The following TBC1D22A variants were observed in gnomAD, a reference collection of about 807,000 sequenced individuals.
The protein encoded by TBC1D22A is putative GTPase activator.
A neutral mutation model predicts 60.2 loss-of-function variants in TBC1D22A; 38 were observed. That is an observed-to-expected ratio of 0.63 (90% CI 0.49 to 0.83). The LOEUF (loss-of-function observed/expected upper bound fraction) is 0.83. Among genes scored for constraint, TBC1D22A ranks in the 40% least tolerant of loss-of-function variants. TBC1D22A has a pLI of 0.00. For missense variants in TBC1D22A, 628 were observed against 701.0 expected (o/e 0.90, Z 1.18); for synonymous variants, 302 against 281.7 (o/e 1.07, Z -0.72).
chr22:47,038,097 C>T (rs762759247), intron 11 of TBC1D22A, among the ~76,000 whole-genome samples: 5 of 152,154 alleles, frequency 3.3e-5, no homozygotes, highest in African/African-American at 1.2e-4. Flanking sequence ...GAAGCGGAGG[C>T]GGTGCTGTGG....
At chr22:46,804,390 G>A (rs2085039192) in intron 4 of TBC1D22A, among the ~76,000 whole-genome samples, 1 of 152,250 alleles carries the variant, frequency 6.6e-6, no homozygotes. Flanking sequence ...TCCACATGCT[G>A]TATTAACTAG....
chr22:47,118,072 G>A (rs1271115093), intron 12 of TBC1D22A, among the ~76,000 whole-genome samples: 5 of 152,094 alleles, frequency 3.3e-5, no homozygotes, highest in African/African-American at 4.8e-5. Context: ...GCAGTGAGCC[G>A]AGATGACACC....
chr22:47,042,462 T>G (rs575096768), intron 11 of TBC1D22A, among the ~76,000 whole-genome samples: 1 of 152,098 alleles, frequency 6.6e-6, no homozygotes, highest in South Asian at 2.1e-4. Flanking sequence ...TGAATGAGAA[T>G]GAAGATGATG....
chr22:46,924,381 A>C (rs1003702141), intron 8 of TBC1D22A, among the ~76,000 whole-genome samples: 11 of 152,214 alleles, frequency 7.2e-5, no homozygotes, highest in African/African-American at 2.7e-4. Context: ...TTGATTTTCT[A>C]TGTCATTTTC....
intron 11 of TBC1D22A, among the ~76,000 whole-genome samples, chr22:47,055,431 G>A (rs1393172524): frequency 2.0e-5 from 3 of 152,196 alleles, no homozygotes; most frequent in Non-Finnish European, 2.9e-5. Flanking sequence ...AAGAAAACTA[G>A]CCCCAGTAGT....
chr22:46,846,977 C>T (rs886075925), intron 4 of TBC1D22A, among the ~76,000 whole-genome samples: 15 of 152,168 alleles, frequency 9.9e-5, no homozygotes, highest in Admixed American at 3.3e-4. Flanking sequence ...ACTGTTTAGG[C>T]GGGTGTCCCC....
chr22:47,140,523 C>T (rs908051662), intron 12 of TBC1D22A, among the ~76,000 whole-genome samples: 4 of 147,414 alleles, frequency 2.7e-5, no homozygotes, highest in Non-Finnish European at 5.9e-5. Context: ...CACTGCACTC[C>T]AGCCTGGGTG....
chr22:46,804,574 A>C (rs529613478), intron 4 of TBC1D22A, among the ~76,000 whole-genome samples: 1 of 152,306 alleles, frequency 6.6e-6, no homozygotes, highest in African/African-American at 2.4e-5. Flanking sequence ...CCCCACTTTC[A>C]CAGCATTGCC....
rs75371981 is a variant in TBC1D22A at position 47,144,543 on chromosome 22, C to T, written c.1426-28955C>T. Among the ~76,000 whole-genome samples the T allele has an allele frequency of 3.0e-3, 464 of 152,360 alleles. 3 individuals are homozygous for T. The highest frequency in any genetic ancestry group is 5.4e-3 in the Non-Finnish European group (365 of 68,042). Reference sequence around the variant, plus strand: ...GCTTACTGAGCCCCTGTCTGCCTGGCGTGCACACAGTATACAAGCACATAC... The same window carrying T: ...GCTTACTGAGCCCCTGTCTGCCTGGTGTGCACACAGTATACAAGCACATAC... On this transcript the variant is annotated intron_variant, in intron 12 of 12. Transcript: ENST00000337137.
rs136098 is a variant in TBC1D22A, at chr22:46,963,222, C to CA, written c.1016-11050dup. On this transcript the variant is annotated intron_variant, in intron 8 of 12. Coordinates refer to ENST00000337137, the MANE Select transcript of TBC1D22A (RefSeq NM_014346.5). ...CGGGTGACAGAGCAAGACTCCGTCT[C>CA]AAAAAAAAAAAAAAAAAATCAGTGC... 4.0e-3 allele frequency among the ~76,000 whole-genome samples: 416 copies of CA among 104,830 alleles called. 1 individual carries two copies. Among genetic ancestry groups the CA allele is most frequent in the Admixed American group, 8.9e-3 (91 of 10,206 alleles). The allele number at this position is 104,830 out of a possible 152,430, so 68.8% of individuals were successfully genotyped here.
At chr22:47,083,969 G>A (rs188564893) in intron 11 of TBC1D22A, among the ~76,000 whole-genome samples, 227 of 152,336 alleles carry the variant, frequency 1.5e-3, no homozygotes, top group African/African-American at 5.1e-3. Context: ...AAAATTTTGT[G>A]AATTTTGTAA....
chr22:47,086,847 C>T (rs1439564533), intron 11 of TBC1D22A, among the ~76,000 whole-genome samples: 1 of 152,134 alleles, frequency 6.6e-6, no homozygotes, highest in Admixed American at 6.5e-5. Context: ...ACTGTTGGCC[C>T]AGGAGCCATC....
intron 4 of TBC1D22A, among the ~76,000 whole-genome samples, chr22:46,806,026 T>G (rs1286383012): frequency 1.4e-5 from 2 of 142,998 alleles, no homozygotes; most frequent in Non-Finnish European, 3.1e-5. Flanking sequence ...CTAAGTTTTG[T>G]ATTTTTAGTA....
At chr22:47,022,203 A>G (rs1343351023) in intron 10 of TBC1D22A, among the ~76,000 whole-genome samples, 1 of 152,242 alleles carries the variant, frequency 6.6e-6, no homozygotes, top group Non-Finnish European at 1.5e-5. Context: ...CTGTACACCC[A>G]GTGCTCTAGT....
intron 10 of TBC1D22A, among the ~76,000 whole-genome samples, 172 bp downstream of exon 10, chr22:46,997,881 T>C (rs535739433): frequency 3.3e-5 from 5 of 152,252 alleles, no homozygotes; most frequent in African/African-American, 1.2e-4. Flanking sequence ...TTATTTCTTC[T>C]TATTAAGGGG....
At chr22:47,076,007 G>A (rs917466127) in intron 11 of TBC1D22A, among the ~76,000 whole-genome samples, 4 of 152,094 alleles carry the variant, frequency 2.6e-5, no homozygotes, top group African/African-American at 7.2e-5. Context: ...AGTTCTGAAC[G>A]TATATGCACC....
chr22:46,809,891 G>A (rs1158516874), intron 4 of TBC1D22A, among the ~76,000 whole-genome samples: 1 of 151,968 alleles, frequency 6.6e-6, no homozygotes, highest in African/African-American at 2.4e-5. Context: ...TTTTATTCAG[G>A]TTAATATTAC....
chr22:47,134,934 G>C (rs1393931880), intron 12 of TBC1D22A, among the ~76,000 whole-genome samples: 1 of 152,206 alleles, frequency 6.6e-6, no homozygotes, highest in Non-Finnish European at 1.5e-5. Flanking sequence ...AGCCTTGGCT[G>C]ATTCCAGCCT....
chr22:47,065,715 G>A (rs1569411782), intron 11 of TBC1D22A, among the ~76,000 whole-genome samples: 1 of 99,204 alleles, frequency 1.0e-5, no homozygotes, highest in East Asian at 5.6e-4. Context: ...AAGCTGCAAA[G>A]TTCTAAGGTC....
Sources: gnomAD v4.1 joint callset for allele counts (sites outside exome capture counted in the v4.1 genomes callset) on GRCh38, gnomAD v4.1.1 for gene constraint, MANE v1.5 for transcripts, NCBI Gene and HGNC (gene_info 2026-07-23, HGNC 2026-07-21) for gene names.